The following CDK3 variants were observed in gnomAD, a reference collection of about 807,000 sequenced individuals.
CDK3 encodes cyclin dependent kinase 3.
In CDK3, 24 loss-of-function variants were observed where a neutral mutation model predicts 30.2. The observed-to-expected ratio is 0.79, with a 90% CI of 0.57 to 1.12. The LOEUF (loss-of-function observed/expected upper bound fraction) is 1.12, where lower values mean the gene tolerates loss of function less well. Ranked by LOEUF, CDK3 falls within the 50% of genes most tolerant of loss-of-function variation. The pLI is 0.00. For missense variants in CDK3, 345 were observed against 376.0 expected (o/e 0.92, Z 0.68); for synonymous variants, 158 against 154.2 (o/e 1.02, Z -0.18).
rs2066268115 is a variant in CDK3 at position 76,002,312 on chromosome 17, A to G, written c.380A>G (p.Asp127Gly). 1 of 1,612,228 alleles carries G rather than the reference A, an allele frequency of 6.2e-7. No homozygotes were observed. Among genetic ancestry groups the G allele is most frequent in the South Asian group, 1.1e-5 (1 of 91,068 alleles). Residue 127 changes from aspartate to glycine, a missense_variant, in exon 5 of 8, where the codon GAC becomes GGC. Physicochemically the swap from Asp to Gly is moderately conservative, Grantham distance 94. Transcript: ENST00000448471. This position sits in a 1 kb window ranked among gnomAD's most constrained non-coding sequence, Gnocchi z 4.3. ...FCHSHRVIHR[D>G]LKPQNLLINE... ...CACTCACATCGGGTCATCCACCGAGACCTGAAGCCCCAGAACCTGCTCATC... is the reference window on the plus strand; with the variant it reads ...CACTCACATCGGGTCATCCACCGAGGCCTGAAGCCCCAGAACCTGCTCATC...
At chr17:76,003,443 C>G in intron 7 of CDK3, 45 bp downstream of exon 7, 1 of 1,522,634 alleles carries the variant, frequency 6.6e-7, no homozygotes, top group East Asian at 2.3e-5. Context: ...TACAGTTTCC[C>G]CTCATCAGCC....
Position 76,005,354 on chromosome 17 carries a change from CCCG to C in CDK3, c.850_852del (p.Pro284del). 6.2e-7 allele frequency: 1 copy of C among 1,614,114 alleles called. No homozygotes were observed. Among genetic ancestry groups the C allele is most frequent in the Non-Finnish European group, 8.5e-7 (1 of 1,180,000 alleles). ...TCACAGCCAAGACTGCCCTGGCCCACCCGTACTTCTCATCCCCTGAGCCCTCCC... is the reference window on the plus strand; with the variant it reads ...TCACAGCCAAGACTGCCCTGGCCCACTACTTCTCATCCCCTGAGCCCTCCC... On this transcript the variant is annotated inframe_deletion, in exon 8 of 8. Coordinates refer to ENST00000448471, the MANE Select transcript of CDK3 (RefSeq NM_001258.4). This position sits in a 1 kb window ranked among gnomAD's most constrained non-coding sequence, Gnocchi z 4.7.
At position 76,001,939 on chromosome 17, in the gene CDK3, C is replaced by T; in HGVS notation, c.182C>T (p.Pro61Leu). The T allele has an allele frequency of 3.7e-6, 6 of 1,613,896 alleles. No individual in the cohort carries two copies. Among genetic ancestry groups the T allele is most frequent in the South Asian group, 1.1e-5 (1 of 91,078 alleles). ...EISLLKELKH[P>L]NIVRLLDVVH... ...TCGCTGCTCAAGGAACTGAAGCACC[C>T]CAACATCGTCCGGTGAGTTGGGGAT... Residue 61 changes from proline (P) to leucine (L), a missense_variant, in exon 3 of 8, where the codon CCC becomes CTC. Physicochemically the swap from Pro to Leu is moderately conservative, Grantham distance 98. Coordinates refer to ENST00000448471, the MANE Select transcript of CDK3 (RefSeq NM_001258.4). The surrounding 1 kb of genome is among the most constrained non-coding windows in gnomAD (Gnocchi z 6.2).
intron 7 of CDK3, 107 bp downstream of exon 7, chr17:76,003,505 C>G (rs1179125442): frequency 2.5e-5 from 21 of 856,436 alleles, no homozygotes; most frequent in Non-Finnish European, 3.7e-5. Flanking sequence ...GGGTCTCTTT[C>G]CTGACCTTTG....
rs1291046690 is a variant in CDK3 at position 76,001,921 on chromosome 17, T to C, written c.164T>C (p.Leu55Pro). ...PSTAIREISLLKELKHPNIVR... is the reference protein window; with the variant it reads ...PSTAIREISLPKELKHPNIVR... ...ACTGCCATCAGGGAGATCTCGCTGCTCAAGGAACTGAAGCACCCCAACATC... is the reference window on the plus strand; with the variant it reads ...ACTGCCATCAGGGAGATCTCGCTGCCCAAGGAACTGAAGCACCCCAACATC... The change falls in exon 3 of 8, where the codon CTC becomes CCC. Residue 55 changes from leucine (L) to proline (P), a missense_variant. Physicochemically the swap from Leu to Pro is moderately conservative, Grantham distance 98 (BLOSUM62 -3). Transcript: ENST00000448471. The surrounding 1 kb of genome is among the most constrained non-coding windows in gnomAD (Gnocchi z 6.2). The C allele has an allele frequency of 1.9e-6, 3 of 1,613,648 alleles. No homozygotes were observed. Among genetic ancestry groups the C allele is most frequent in the Non-Finnish European group, 2.5e-6 (3 of 1,179,808 alleles).
chr17:76,005,486 A>G lies in CDK3; in HGVS notation c.*63A>G. The G allele has an allele frequency of 6.4e-7, 1 of 1,562,026 alleles. No homozygotes were observed. Among genetic ancestry groups the G allele is most frequent in the Non-Finnish European group, 8.7e-7 (1 of 1,146,730 alleles). Reference sequence around the variant, plus strand: ...CTGCTGCCCCAGCTGCCTCCTACCCATTGCCAAGAGAGGATGCATCTGGGG... The same window carrying G: ...CTGCTGCCCCAGCTGCCTCCTACCCGTTGCCAAGAGAGGATGCATCTGGGG... On this transcript the variant is annotated 3_prime_UTR_variant, in exon 8 of 8. Transcript: ENST00000448471. The surrounding 1 kb of genome is among the most constrained non-coding windows in gnomAD (Gnocchi z 4.7).
Position 76,002,616 on chromosome 17 carries a change from G to T in CDK3, c.588+4G>T. On this transcript the variant is annotated splice_donor_region_variant and intron_variant, in intron 6 of 7. Coordinates refer to ENST00000448471, the MANE Select transcript of CDK3 (RefSeq NM_001258.4). The surrounding 1 kb of genome is among the most constrained non-coding windows in gnomAD (Gnocchi z 4.3). The stretch of plus-strand genomic sequence containing the variant: ...TGGTTGCATCTTTGCAGAGATGGTA[G>T]AGAGAGGGGCACACATGGCCACAGG... 1 of 816,632 alleles carries T rather than the reference G, an allele frequency of 1.2e-6. No homozygotes were observed. The allele number at this position is 816,632 out of a possible 1,614,324, so 50.6% of individuals were successfully genotyped here. A position where few individuals can be genotyped will look rare whatever the true frequency, so the allele number is the denominator to read the frequency against.
rs2066260719 is a variant in CDK3, at chr17:76,001,675, T to G, written c.116+134T>G. 1 of 889,440 alleles carries G rather than the reference T, an allele frequency of 1.1e-6. No individual in the cohort carries two copies. The allele number at this position is 889,440 out of a possible 1,614,324, so 55.1% of individuals were successfully genotyped here. A position where few individuals can be genotyped will look rare whatever the true frequency, so the allele number is the denominator to read the frequency against. On this transcript the variant is annotated intron_variant, in intron 2 of 7. Transcript: ENST00000448471. The surrounding 1 kb of genome is among the most constrained non-coding windows in gnomAD (Gnocchi z 6.2). ...TGCCCAGCAGCCCTTACCTGTCCTC[T>G]CCCCAGTTCACTGCCTTCTGACCAG... is the stretch of plus-strand genomic sequence containing the variant.
Position 76,005,327 on chromosome 17 carries a change from G to A in CDK3, c.822G>A (p.Arg274=), listed in dbSNP as rs534373902. The part of the protein sequence containing the change: ...MQLLQYDPSQ[R]ITAKTALAHP... ...TCCTGCAGTATGACCCCAGCCAGCG[G>A]ATCACAGCCAAGACTGCCCTGGCCC... The change falls in exon 8 of 8, where the codon CGG becomes CGA. Residue 274 remains arginine, a synonymous_variant. Coordinates refer to ENST00000448471, the MANE Select transcript of CDK3 (RefSeq NM_001258.4). This position sits in a 1 kb window ranked among gnomAD's most constrained non-coding sequence, Gnocchi z 4.7. 4 of 1,613,972 alleles carry A rather than the reference G, an allele frequency of 2.5e-6. No individual in the cohort carries two copies. Among genetic ancestry groups the A allele is most frequent in the South Asian group, 1.1e-5 (1 of 91,086 alleles).
At position 76,005,674 on chromosome 17, in the gene CDK3, A is replaced by C. The variant is rs2066307419; in HGVS notation, c.*251A>C. The C allele has an allele frequency of 2.4e-6, 1 of 416,206 alleles. No homozygotes were observed. The allele number at this position is 416,206 out of a possible 1,614,324, so 25.8% of individuals were successfully genotyped here. A position where few individuals can be genotyped will look rare whatever the true frequency, so the allele number is the denominator to read the frequency against. Reference sequence around the variant, plus strand: ...TGCACGAGGGGTCCCCGGGCACTGGAACAAGTGCCAAGTTGAAGGCAGGGG... The same window carrying C: ...TGCACGAGGGGTCCCCGGGCACTGGCACAAGTGCCAAGTTGAAGGCAGGGG... On this transcript the variant is annotated 3_prime_UTR_variant, in exon 8 of 8. Transcript: ENST00000448471. This position sits in a 1 kb window ranked among gnomAD's most constrained non-coding sequence, Gnocchi z 4.7.
chr17:76,001,685 A>G lies in CDK3; in HGVS notation c.116+144A>G, dbSNP rs1416621924. The G allele has an allele frequency of 3.4e-6, 3 of 880,748 alleles. No individual in the cohort carries two copies. The highest frequency in any genetic ancestry group is 2.6e-5 in the Admixed American group (1 of 38,296). 54.6% of individuals were successfully genotyped at this position (880,748 alleles called of 1,614,324 possible). On this transcript the variant is annotated intron_variant, in intron 2 of 7. Transcript: ENST00000448471. This position sits in a 1 kb window ranked among gnomAD's most constrained non-coding sequence, Gnocchi z 6.2. ...CCCTTACCTGTCCTCTCCCCAGTTC[A>G]CTGCCTTCTGACCAGCCTTTGCCGG...
chr17:76,003,868 G>A (rs976768831), intron 7 of CDK3, among the ~76,000 whole-genome samples: 19 of 152,032 alleles, frequency 1.2e-4, no homozygotes, highest in Admixed American at 6.6e-4. Flanking sequence ...TCAGCCTCCC[G>A]AGTAGCTGGG....
At position 76,002,403 on chromosome 17, in the gene CDK3, C is replaced by T. The variant is rs374525420; in HGVS notation, c.471C>T (p.Arg157=). 1.2e-5 allele frequency: 19 copies of T among 1,612,238 alleles called. No homozygotes were observed. Among genetic ancestry groups the T allele is most frequent in the Non-Finnish European group, 1.6e-5 (19 of 1,179,928 alleles). ...GLARAFGVPL[R]TYTHEVVTLW... ...CTCGCGCCTTCGGGGTGCCCCTGCGCACCTACACCCATGAGGTATTGTGAG... is the reference window on the plus strand; with the variant it reads ...CTCGCGCCTTCGGGGTGCCCCTGCGTACCTACACCCATGAGGTATTGTGAG... The change falls in exon 5 of 8, where the codon CGC becomes CGT. Residue 157 remains arginine (R), a synonymous_variant. Transcript: ENST00000448471. The surrounding 1 kb of genome is among the most constrained non-coding windows in gnomAD (Gnocchi z 4.3).
Position 76,000,919 on chromosome 17 carries a change from G to A in CDK3, c.-63G>A, listed in dbSNP as rs544179820. On this transcript the variant is annotated 5_prime_UTR_variant, in exon 1 of 8. Transcript: ENST00000448471. This position sits in a 1 kb window ranked among gnomAD's most constrained non-coding sequence, Gnocchi z 5.9. ...GGCCCCTGGGCAGCCCTTCCTGGCC[G>A]CCATGTGTACCCAGAGCCTGGGACT... The A allele has an allele frequency of 1.5e-5, 16 of 1,051,904 alleles. No homozygotes were observed. Among genetic ancestry groups the A allele is most frequent in the Middle Eastern group, 4.5e-4 (1 of 2,200 alleles). 65.2% of individuals were successfully genotyped at this position (1,051,904 alleles called of 1,614,324 possible).
chr17:76,002,142 G>A lies in CDK3; in HGVS notation c.315G>A (p.Lys105=). Residue 105 remains lysine (K), a splice_region_variant and synonymous_variant, in exon 4 of 8, where the codon AAG becomes AAA. Coordinates refer to ENST00000448471, the MANE Select transcript of CDK3 (RefSeq NM_001258.4). The surrounding 1 kb of genome is among the most constrained non-coding windows in gnomAD (Gnocchi z 4.3). Reference sequence around the variant, plus strand: ...CAGAGCTCCCCCTGCACCTCATCAAGGTAGGGAAGGAAGGGCAGGGAAGGA... The same window carrying A: ...CAGAGCTCCCCCTGCACCTCATCAAAGTAGGGAAGGAAGGGCAGGGAAGGA... ...PGSELPLHLI[K]SYLFQLLQGV... is the part of the protein sequence containing the mutation. 1.9e-6 allele frequency: 3 copies of A among 1,613,998 alleles called. No individual in the cohort carries two copies. Among genetic ancestry groups the A allele is most frequent in the Non-Finnish European group, 2.5e-6 (3 of 1,179,978 alleles).
Position 76,001,226 on chromosome 17 carries a change from G to C in CDK3, c.-14-186G>C. 2.1e-6 allele frequency: 3 copies of C among 1,448,598 alleles called. No individual in the cohort carries two copies. The highest frequency in any genetic ancestry group is 2.7e-6 in the Non-Finnish European group (3 of 1,100,026). 89.7% of individuals were successfully genotyped at this position (1,448,598 alleles called of 1,614,324 possible). On this transcript the variant is annotated intron_variant, in intron 1 of 7. Coordinates refer to ENST00000448471, the MANE Select transcript of CDK3 (RefSeq NM_001258.4). The surrounding 1 kb of genome is among the most constrained non-coding windows in gnomAD (Gnocchi z 6.2). ...GGGTCCGGGCTGGGCTGGGTGAGGG[G>C]CGGTTTCCGACCCCCAGCCAGGTTC... is the stretch of plus-strand genomic sequence containing the variant.
chr17:76,005,743 TGCC>T lies in CDK3; in HGVS notation c.*321_*323del, dbSNP rs1474431371. ...TGGGTATTCAGGCCCTCACCTGCCCTGCCTGCAGGGCCAGACCCTGAGGAAAGG... is the reference window on the plus strand; with the variant it reads ...TGGGTATTCAGGCCCTCACCTGCCCTTGCAGGGCCAGACCCTGAGGAAAGG... On this transcript the variant is annotated 3_prime_UTR_variant, in exon 8 of 8. Transcript: ENST00000448471. This position sits in a 1 kb window ranked among gnomAD's most constrained non-coding sequence, Gnocchi z 4.7. 2 of 260,490 alleles carry T rather than the reference TGCC, an allele frequency of 7.7e-6. No individual in the cohort carries two copies. The highest frequency in any genetic ancestry group is 1.6e-4 in the East Asian group (2 of 12,540). 16.1% of individuals were successfully genotyped at this position (260,490 alleles called of 1,614,324 possible). A position where few individuals can be genotyped will look rare whatever the true frequency, so the allele number is the denominator to read the frequency against.
In CDK3 at chr17:76,005,335, C is replaced by CCAAGACTGCCCTGG; in HGVS notation, c.832_845dup (p.His283ArgfsTer63). 1 of 1,614,068 alleles carries CCAAGACTGCCCTGG rather than the reference C, an allele frequency of 6.2e-7. No individual in the cohort carries two copies. The highest frequency in any genetic ancestry group is 8.5e-7 in the Non-Finnish European group (1 of 1,179,918). ...TATGACCCCAGCCAGCGGATCACAG[C>CCAAGACTGCCCTGG]CAAGACTGCCCTGGCCCACCCGTAC... On this transcript the variant is annotated frameshift_variant, in exon 8 of 8. Transcript: ENST00000448471. LOFTEE classifies it low-confidence loss of function (END_TRUNC). This position sits in a 1 kb window ranked among gnomAD's most constrained non-coding sequence, Gnocchi z 4.7.
chr17:76,003,835 T>C (rs538335060), intron 7 of CDK3, among the ~76,000 whole-genome samples: 164 of 152,246 alleles, frequency 1.1e-3, no homozygotes, highest in African/African-American at 3.7e-3. Flanking sequence ...TTCTGCCTCC[T>C]GGGTTCAAGT....
Sources: allele counts gnomAD v4.1 joint callset (sites outside exome capture counted in the v4.1 genomes callset), GRCh38; gene constraint gnomAD v4.1.1; non-coding constraint Gnocchi (gnomAD v3.1); transcripts MANE v1.5; gene names NCBI Gene and HGNC (gene_info 2026-07-23, HGNC 2026-07-21).